The following RBM33 variants were observed in gnomAD, a reference collection of about 807,000 sequenced individuals.
RBM33 encodes RNA-binding protein 33.
A neutral mutation model predicts 132.6 loss-of-function variants in RBM33; 28 were observed. That is an observed-to-expected ratio of 0.21 (90% CI 0.16 to 0.29). The LOEUF is 0.29. Among genes scored for constraint, RBM33 ranks in the 10% least tolerant of loss-of-function variants. The probability of loss-of-function intolerance (pLI) is 1.00; values close to 1 mark genes in which losing one functional copy is unlikely to be tolerated. For missense variants in RBM33, 1,291 were observed against 1,518.5 expected (o/e 0.85, Z 2.49); for synonymous variants, 634 against 593.0 (o/e 1.07, Z -1.01).
intron 9 of RBM33, among the ~76,000 whole-genome samples, chr7:155,727,686 G>A (rs1338539510): frequency 6.6e-6 from 1 of 152,224 alleles, no homozygotes; most frequent in Non-Finnish European, 1.5e-5. Flanking sequence ...TTCTATTAGA[G>A]CAGTGGCAAG....
At chr7:155,773,809 CT>C (rs1424310880) in intron 16 of RBM33, among the ~76,000 whole-genome samples, 1 of 152,172 alleles carries the variant, frequency 6.6e-6, no homozygotes, top group Admixed American at 6.5e-5. Flanking sequence ...AGCTCCCCCT[CT>C]TCCTCAGGCA....
Position 155,775,292 on chromosome 7 carries a change from G to A in RBM33, c.*251G>A, listed in dbSNP as rs765821529. On this transcript the variant is annotated 3_prime_UTR_variant, in exon 18 of 18. Transcript: ENST00000401878. ...CACCACCAAGAACTCCAAGTTTTTC[G>A]TTTTGTTTTGTTTTCAAAGTGCTTA... 79 of 607,218 alleles carry A rather than the reference G, an allele frequency of 1.3e-4. No homozygotes were observed. Among genetic ancestry groups the A allele is most frequent in the African/African-American group, 1.1e-4 (6 of 54,060 alleles). The allele number at this position is 607,218 out of a possible 1,614,324, so 37.6% of individuals were successfully genotyped here. A position where few individuals can be genotyped will look rare whatever the true frequency, so the allele number is the denominator to read the frequency against.
rs71186053 is a variant in RBM33 at position 155,673,940 on chromosome 7, GTTTTTTTT to G, written c.171+1050_171+1057del. Among the ~76,000 whole-genome samples the G allele has an allele frequency of 2.4e-3, 128 of 54,200 alleles. 25 individuals carry two copies. In the South Asian group the frequency reaches 0.082, roughly 35 times the overall value. The allele number at this position is 54,200 out of a possible 152,430, so 35.6% of individuals were successfully genotyped here. On this transcript the variant is annotated intron_variant, in intron 3 of 17. Transcript: ENST00000401878. ...TCATTATCAAGATAGTTTAGGCTTA[GTTTTTTTT>G]TTTTTTTTTTTTTTTTTTTTTTTTG...
chr7:155,739,555 C>T, intron 11 of RBM33, 160 bp from the exon 12 acceptor site: 1 of 714,760 alleles, frequency 1.4e-6, no homozygotes, highest in South Asian at 2.0e-5. Context: ...CTTATTACTG[C>T]ATTTTAGATA....
At chr7:155,767,258 G>A (rs936893055) in intron 16 of RBM33, among the ~76,000 whole-genome samples, 1 of 152,276 alleles carries the variant, frequency 6.6e-6, no homozygotes, top group African/African-American at 2.4e-5. Flanking sequence ...TCTGTAGGCT[G>A]ACCCAGCGAA....
chr7:155,761,884 T>C (rs1802047937), intron 14 of RBM33, among the ~76,000 whole-genome samples: 1 of 152,240 alleles, frequency 6.6e-6, no homozygotes, highest in Non-Finnish European at 1.5e-5. Flanking sequence ...TGATTTTAGA[T>C]GTTTTTCCTT....
intron 5 of RBM33, among the ~76,000 whole-genome samples, chr7:155,698,432 T>C (rs1014622782): frequency 3.3e-5 from 5 of 152,062 alleles, no homozygotes; most frequent in Non-Finnish European, 7.4e-5. Context: ...CTAAACCATA[T>C]GGTGAAGGGG....
intron 1 of RBM33, among the ~76,000 whole-genome samples, chr7:155,657,289 C>T (rs59612949): frequency 0.74 from 112,382 of 152,056 alleles, 41,779 homozygotes; most frequent in South Asian, 0.79. Flanking sequence ...CCGGAGTGCC[C>T]GCGCTGATGC....
At chr7:155,749,045 C>T (rs1801613125) in intron 14 of RBM33, among the ~76,000 whole-genome samples, 1 of 152,106 alleles carries the variant, frequency 6.6e-6, no homozygotes, top group South Asian at 2.1e-4. Context: ...TGGGGTAAAA[C>T]AGTGTGGCTT....
rs1251888081 is a variant in RBM33, at chr7:155,776,203, A to G, written c.*1162A>G. The G allele has an allele frequency of 2.0e-5, 3 of 152,678 alleles. No homozygotes were observed. The highest frequency in any genetic ancestry group is 4.4e-5 in the Non-Finnish European group (3 of 68,044). The allele number at this position is 152,678 out of a possible 1,614,324, so 9.5% of individuals were successfully genotyped here. On this transcript the variant is annotated 3_prime_UTR_variant, in exon 18 of 18. Coordinates refer to ENST00000401878, the MANE Select transcript of RBM33 (RefSeq NM_053043.3). The surrounding 1 kb of genome is among the most constrained non-coding windows in gnomAD (Gnocchi z 4.0). ...GGGCAAACACTGAAAAAAGTGCCTT[A>G]CAGTATTTCTGCTCATGAAAGAGTT...
intron 1 of RBM33, among the ~76,000 whole-genome samples, chr7:155,655,158 G>A (rs962212838): frequency 1.3e-5 from 2 of 152,190 alleles, no homozygotes; most frequent in Admixed American, 6.5e-5. Context: ...CTGGGCACAC[G>A]TGTACACGTA....
In RBM33 at chr7:155,738,345, C is replaced by T. The variant is rs369518608; in HGVS notation, c.1679C>T (p.Pro560Leu). ...TTRPFIPPRQPFLPGPGQPFL... is the reference protein window; with the variant it reads ...TTRPFIPPRQLFLPGPGQPFL... Reference sequence around the variant, plus strand: ...CGGCCCTTCATTCCTCCTAGACAGCCGTTCCTGCCAGGCCCAGGACAGCCG... The same window carrying T: ...CGGCCCTTCATTCCTCCTAGACAGCTGTTCCTGCCAGGCCCAGGACAGCCG... The change falls in exon 11 of 18, where the codon CCG (proline) becomes CTG (leucine). Residue 560 changes from proline to leucine, a missense_variant. Physicochemically the swap from Pro to Leu is moderately conservative, Grantham distance 98 (BLOSUM62 -3). Coordinates refer to ENST00000401878, the MANE Select transcript of RBM33 (RefSeq NM_053043.3). 1.2e-5 allele frequency: 19 copies of T among 1,613,878 alleles called. No individual in the cohort carries two copies. The highest frequency in any genetic ancestry group is 1.7e-5 in the Admixed American group (1 of 59,996).
At chr7:155,672,744 CAAAAA>C (rs559042068) in intron 2 of RBM33, 118 bp from the exon 3 acceptor site, 15,160 of 345,618 alleles carry the variant, frequency 0.044, no homozygotes, top group South Asian at 0.07. Flanking sequence ...GGCTTTGTCT[CAAAAA>C]AAAAAAAAAA....
At chr7:155,698,455 A>T (rs1213682618) in intron 5 of RBM33, among the ~76,000 whole-genome samples, 1 of 152,152 alleles carries the variant, frequency 6.6e-6, no homozygotes, top group African/African-American at 2.4e-5. Context: ...TGGATTTTTT[A>T]AGCCCCATAT....
intron 1 of RBM33, among the ~76,000 whole-genome samples, chr7:155,650,301 A>G (rs902725923): frequency 6.6e-6 from 1 of 152,208 alleles, no homozygotes; most frequent in South Asian, 2.1e-4. Context: ...TCACTGCACC[A>G]GGAGCACTGA....
At chr7:155,705,755 A>C (rs1800094754) in intron 6 of RBM33, among the ~76,000 whole-genome samples, 1 of 152,204 alleles carries the variant, frequency 6.6e-6, no homozygotes, top group South Asian at 2.1e-4. Flanking sequence ...GGAACCTAGA[A>C]GAATGTGGCA....
At chr7:155,710,095 G>A (rs1002521853) in intron 7 of RBM33, among the ~76,000 whole-genome samples, 4 of 152,008 alleles carry the variant, frequency 2.6e-5, no homozygotes, top group African/African-American at 7.3e-5. Flanking sequence ...CTTATTATAC[G>A]TGTTGTCTCT....
chr7:155,666,922 A>G (rs749626799), intron 2 of RBM33, among the ~76,000 whole-genome samples: 3 of 152,228 alleles, frequency 2.0e-5, no homozygotes, highest in Non-Finnish European at 4.4e-5. Context: ...TTATTAAAAC[A>G]TGAACAAAAA....
At chr7:155,644,993 C>T in intron 1 of RBM33, 74 bp downstream of exon 1, 1 of 1,209,470 alleles carries the variant, frequency 8.3e-7, no homozygotes, top group South Asian at 1.5e-5. Context: ...GGGGGCCTCC[C>T]CGCTTAGGAG....
Sources: gnomAD v4.1 joint callset for allele counts (sites outside exome capture counted in the v4.1 genomes callset) on GRCh38, gnomAD v4.1.1 for gene constraint, Gnocchi (gnomAD v3.1) non-coding constraint, MANE v1.5 for transcripts, NCBI Gene and HGNC (gene_info 2026-07-23, HGNC 2026-07-21) for gene names.